CEP112: variants seen among roughly 807,000 people sequenced by gnomAD.
CEP112 encodes the protein centrosomal protein 112, also known as centrosomal protein of 112 kDa.
In CEP112, 127 loss-of-function variants were observed where a neutral mutation model predicts 153.0. That is an observed-to-expected ratio of 0.83 (90% confidence interval 0.72 to 0.96). CEP112 has a LOEUF of 0.96. Among genes scored for constraint, CEP112 ranks in the 40% least tolerant of loss-of-function variants. The pLI, the probability that CEP112 is intolerant of heterozygous loss-of-function variation, is 0.00. For synonymous variants in CEP112, 358 were observed against 374.4 expected, an observed-to-expected ratio of 0.96 and a Z score of 0.51; for missense variants, 1,089 against 1,101.2, an observed-to-expected ratio of 0.99 and a Z score of 0.16.
At chr17:65,650,701 G>A (rs902797747) in intron 24 of CEP112, among the ~76,000 whole-genome samples, 5 of 132,792 alleles carry the variant, frequency 3.8e-5, no homozygotes, top group African/African-American at 2.9e-5. Context: ...TTCAAGACCA[G>A]CCTAGCCAAC....
At chr17:65,772,012 A>T (rs1445697120) in intron 21 of CEP112, among the ~76,000 whole-genome samples, 1 of 152,090 alleles carries the variant, frequency 6.6e-6, no homozygotes, top group Non-Finnish European at 1.5e-5. Context: ...ACACAGCAAG[A>T]CCCTGTCCCT....
intron 20 of CEP112, among the ~76,000 whole-genome samples, chr17:65,896,947 T>A (rs1246915034): frequency 6.6e-6 from 1 of 152,038 alleles, no homozygotes; most frequent in Non-Finnish European, 1.5e-5. Flanking sequence ...TAAAAACTTT[T>A]CCCACCAACC....
chr17:66,073,296 G>A (rs931039554), intron 8 of CEP112, among the ~76,000 whole-genome samples: 21 of 152,160 alleles, frequency 1.4e-4, no homozygotes, highest in Admixed American at 3.9e-4. Flanking sequence ...CCAACTTTCC[G>A]CCTGGGTACA....
chr17:65,750,933 T>C (rs111536654), intron 21 of CEP112: 3 of 498,878 alleles, frequency 6.0e-6, no homozygotes, highest in African/African-American at 3.9e-5. Flanking sequence ...TGCCAATTAT[T>C]AGACAAACAT....
chr17:65,650,815 G>A (rs2045725889), intron 24 of CEP112, among the ~76,000 whole-genome samples: 1 of 151,644 alleles, frequency 6.6e-6, no homozygotes, highest in Middle Eastern at 3.2e-3. Context: ...GGCTGACGCA[G>A]GAGAATCGCT....
At chr17:66,146,667 C>A (rs1461786257) in intron 4 of CEP112, among the ~76,000 whole-genome samples, 2 of 152,084 alleles carry the variant, frequency 1.3e-5, no homozygotes, top group African/African-American at 4.8e-5. Context: ...AACAATAACT[C>A]CCTATTCCCT....
At position 65,712,637 on chromosome 17, in the gene CEP112, C is replaced by T. The variant is rs143118806; in HGVS notation, c.2608-23419G>A. On this transcript the variant is annotated intron_variant, in intron 23 of 26. Transcript: ENST00000535342. The stretch of plus-strand genomic sequence containing the variant: ...ATATAATTTCTGCTGTGCTGTGGGG[C>T]TTCAAAAGGGCTTTGAGCAACAACA... 2.6e-4 allele frequency among the ~76,000 whole-genome samples: 40 copies of T among 152,228 alleles called. 2 individuals carry two copies. In the East Asian group the frequency reaches 6.9e-3, roughly 26 times the overall value.
chr17:65,979,453 G>A lies in CEP112; in HGVS notation c.1737-17855C>T, dbSNP rs534943038. ...TAGAGTCTCACTATGTTGCCCAGGC[G>A]TGTCTTGAACTCCTGGCCTCAAGCA... On this transcript the variant is annotated intron_variant, in intron 17 of 26. Transcript: ENST00000535342. Among the ~76,000 whole-genome samples, 469 of 151,994 alleles carry A rather than the reference G, an allele frequency of 3.1e-3. 2 individuals carry two copies. Among genetic ancestry groups the A allele is most frequent in the African/African-American group, 0.01 (435 of 41,446 alleles).
intron 24 of CEP112, among the ~76,000 whole-genome samples, chr17:65,679,868 G>A (rs995509206): frequency 6.6e-6 from 1 of 152,214 alleles, no homozygotes; most frequent in African/African-American, 2.4e-5. Context: ...GATACTAGTT[G>A]TAACGGTATA....
Position 65,989,229 on chromosome 17 carries a change from C to T in CEP112, c.1736+16461G>A, listed in dbSNP as rs368302634. On this transcript the variant is annotated intron_variant, in intron 17 of 26. Coordinates refer to ENST00000535342, the MANE Select transcript of CEP112 (RefSeq NM_001199165.4). ...CAGCCTGGGAGACAGAGTGAGACTC[C>T]ATCTCAAAAAAAAAAAAAAAAAGAA... 2.7e-4 allele frequency among the ~76,000 whole-genome samples: 24 copies of T among 87,536 alleles called. 2 individuals are homozygous for T. Among genetic ancestry groups the T allele is most frequent in the Admixed American group, 1.6e-3 (15 of 9,298 alleles). 57.4% of individuals were successfully genotyped at this position (87,536 alleles called of 152,430 possible). A position where few individuals can be genotyped will look rare whatever the true frequency, so the allele number is the denominator to read the frequency against.
At chr17:65,932,759 G>A (rs1394002963) in intron 18 of CEP112, among the ~76,000 whole-genome samples, 1 of 152,068 alleles carries the variant, frequency 6.6e-6, no homozygotes, top group African/African-American at 2.4e-5. Context: ...ACTTCCACGA[G>A]AACAGCACCA....
intron 21 of CEP112, among the ~76,000 whole-genome samples, chr17:65,810,723 AT>A (rs2055900218): frequency 1.3e-5 from 2 of 152,032 alleles, no homozygotes; most frequent in Non-Finnish European, 2.9e-5. Context: ...TATTTTTGAA[AT>A]AATGTATCAG....
chr17:65,653,721 G>A (rs748090482), intron 24 of CEP112, among the ~76,000 whole-genome samples: 9 of 152,102 alleles, frequency 5.9e-5, no homozygotes, highest in African/African-American at 9.7e-5. Flanking sequence ...GCAGCCAAAC[G>A]TTTTTGCATA....
rs1183524760 is a variant in CEP112, at chr17:65,886,736, C to G, written c.2163+15416G>C. On this transcript the variant is annotated intron_variant, in intron 20 of 26. Transcript: ENST00000535342. ...TTCATGTACATGGAACAATATGTGCCTGAATAATTAATTTGTGCACCAAGT... is the reference window on the plus strand; with the variant it reads ...TTCATGTACATGGAACAATATGTGCGTGAATAATTAATTTGTGCACCAAGT... Among the ~76,000 whole-genome samples, 3 of 152,070 alleles carry G rather than the reference C, an allele frequency of 2.0e-5. No homozygotes were observed. The East Asian group carries it at 5.8e-4, about 29-fold the overall frequency.
intron 21 of CEP112, among the ~76,000 whole-genome samples, chr17:65,781,370 C>T (rs1598564313): frequency 6.6e-6 from 1 of 152,224 alleles, no homozygotes; most frequent in South Asian, 2.1e-4. Context: ...GAAAAACATT[C>T]TATGATCATG....
At chr17:65,948,981 T>C (rs2061732499) in intron 18 of CEP112, among the ~76,000 whole-genome samples, 1 of 152,122 alleles carries the variant, frequency 6.6e-6, no homozygotes, top group African/African-American at 2.4e-5. Flanking sequence ...AGAAAAGCGG[T>C]TCAAAACAAG....
chr17:66,152,736 A>C (rs925640285), intron 4 of CEP112, among the ~76,000 whole-genome samples: 1 of 152,196 alleles, frequency 6.6e-6, no homozygotes, highest in Non-Finnish European at 1.5e-5. Context: ...CTTAAGAATG[A>C]CTTAACTAAG....
chr17:65,943,909 A>G (rs1323327342), intron 18 of CEP112, among the ~76,000 whole-genome samples: 1 of 151,954 alleles, frequency 6.6e-6, no homozygotes. Context: ...TTGTTCATTT[A>G]TTTTCATTCT....
At chr17:66,009,271 A>G (rs1016650510) in intron 16 of CEP112, among the ~76,000 whole-genome samples, 26 of 149,788 alleles carry the variant, frequency 1.7e-4, no homozygotes, top group Admixed American at 2.0e-4. Flanking sequence ...GTGATATTTC[A>G]TTTTAGTTTT....
Sources: allele counts gnomAD v4.1 joint callset (sites outside exome capture counted in the v4.1 genomes callset), GRCh38; gene constraint gnomAD v4.1.1; transcripts MANE v1.5; gene names NCBI Gene and HGNC (gene_info 2026-07-23, HGNC 2026-07-21).